The following NBAS variants were observed in gnomAD, a reference collection of about 807,000 sequenced individuals.
NBAS encodes NBAS subunit of NRZ tethering complex.
NBAS carries 219 observed loss-of-function variants against 302.5 expected under a neutral mutation model. The observed-to-expected ratio is 0.72, with a 90% CI of 0.65 to 0.81. The LOEUF (loss-of-function observed/expected upper bound fraction) is 0.81, where lower values mean the gene tolerates loss of function less well. Among genes scored for constraint, NBAS ranks in the 30% least tolerant of loss-of-function variants. NBAS has a pLI of 0.00. For missense variants in NBAS, 2,932 were observed against 2,841.6 expected (o/e 1.03, Z -0.72); for synonymous variants, 1,118 against 1,021.6 (o/e 1.09, Z -1.80).
chr2:15,453,486 G>T (rs191286249), intron 21 of NBAS, among the ~76,000 whole-genome samples: 1 of 152,254 alleles, frequency 6.6e-6, no homozygotes, highest in East Asian at 1.9e-4. Flanking sequence ...TAAACCACTG[G>T]TGACCTAAAA....
intron 21 of NBAS, among the ~76,000 whole-genome samples, chr2:15,433,913 A>G (rs1388133424): frequency 6.6e-6 from 1 of 151,852 alleles, no homozygotes; most frequent in Non-Finnish European, 1.5e-5. Context: ...AGCCCCGGCA[A>G]CAGAGCAAGA....
chr2:15,389,388 G>T (rs1446162962), intron 28 of NBAS, among the ~76,000 whole-genome samples: 4 of 152,180 alleles, frequency 2.6e-5, no homozygotes, highest in Non-Finnish European at 4.4e-5. Context: ...ATTGACAGAA[G>T]AATAATGCAC....
intron 31 of NBAS, among the ~76,000 whole-genome samples, chr2:15,371,166 A>G (rs1477770771): frequency 6.6e-6 from 1 of 152,120 alleles, no homozygotes; most frequent in African/African-American, 2.4e-5. Flanking sequence ...CTCGTTCTCA[A>G]ATATACTCTT....
At chr2:15,164,082 C>A (rs1329772818), downstream of NBAS, among the ~76,000 whole-genome samples, 1 of 152,204 alleles carries the variant, frequency 6.6e-6, no homozygotes, top group Non-Finnish European at 1.5e-5. Flanking sequence ...CAGGTGTGAG[C>A]CTCTATGCCC....
the NBAS span, among the ~76,000 whole-genome samples, chr2:14,927,535 T>C: frequency 1.3e-5 from 2 of 152,212 alleles, no homozygotes; most frequent in Non-Finnish European, 2.9e-5. Context: ...TATATAGATA[T>C]CTGTTTGAGT....
downstream of NBAS, among the ~76,000 whole-genome samples, chr2:15,162,192 C>G (rs1004960537): frequency 5.3e-5 from 8 of 152,236 alleles, no homozygotes; most frequent in African/African-American, 1.9e-4. Flanking sequence ...AACAGCCCTG[C>G]CTCCGCAACA....
the NBAS span, among the ~76,000 whole-genome samples, chr2:15,084,174 G>A: frequency 3.9e-5 from 6 of 151,958 alleles, no homozygotes; most frequent in Admixed American, 3.3e-4. Flanking sequence ...TCAGCCTCCA[G>A]AGTAGCTGGA....
chr2:15,360,091 T>C (rs989438286), intron 32 of NBAS, among the ~76,000 whole-genome samples: 2 of 151,970 alleles, frequency 1.3e-5, no homozygotes, highest in Admixed American at 6.6e-5. Context: ...AGTAAAAATA[T>C]TGTACAAAAG....
chr2:15,297,855 C>CTTGT (rs1670620765), intron 40 of NBAS, among the ~76,000 whole-genome samples: 1 of 151,896 alleles, frequency 6.6e-6, no homozygotes, highest in African/African-American at 2.4e-5. Flanking sequence ...TATATATGTG[C>CTTGT]TTGTGTCTGT....
intron 9 of NBAS, among the ~76,000 whole-genome samples, chr2:15,514,471 C>G (rs1019943719): frequency 1.8e-4 from 28 of 152,084 alleles, no homozygotes; most frequent in African/African-American, 6.0e-4. Context: ...TAGTAACCTA[C>G]TATTTAAAAC....
the NBAS span, among the ~76,000 whole-genome samples, chr2:14,984,259 A>T: frequency 2.6e-5 from 4 of 151,692 alleles, no homozygotes. Flanking sequence ...TCTGCCCCCT[A>T]CCCTTCCTAG....
At chr2:14,887,718 A>G in the NBAS span, among the ~76,000 whole-genome samples, 2 of 152,114 alleles carry the variant, frequency 1.3e-5, no homozygotes, top group Non-Finnish European at 2.9e-5. Context: ...TGTCTAGGCT[A>G]CTGCACAGCC....
chr2:15,337,584 A>C (rs2148256035), intron 35 of NBAS, among the ~76,000 whole-genome samples: 1 of 152,326 alleles, frequency 6.6e-6, no homozygotes, highest in Non-Finnish European at 1.5e-5. Flanking sequence ...AAGATAGGAG[A>C]CTTAAAATGT....
At chr2:15,394,143 CA>C (rs1463505179) in intron 28 of NBAS, 83 bp downstream of exon 28, 1 of 1,411,198 alleles carries the variant, frequency 7.1e-7, no homozygotes, top group Non-Finnish European at 9.6e-7. Context: ...AGTTATAACA[CA>C]ATGAGGTTGT....
At chr2:15,258,640 C>T (rs1418945212) in intron 44 of NBAS, among the ~76,000 whole-genome samples, 6 of 152,086 alleles carry the variant, frequency 3.9e-5, no homozygotes, top group Admixed American at 3.9e-4. Flanking sequence ...TGGGGAACCT[C>T]GCCCTGGTAA....
the NBAS span, among the ~76,000 whole-genome samples, chr2:14,990,604 A>G: frequency 6.6e-6 from 1 of 152,138 alleles, no homozygotes; most frequent in East Asian, 1.9e-4. Context: ...ACATCTCTCC[A>G]ATGCAGATAA....
the NBAS span, among the ~76,000 whole-genome samples, chr2:14,818,558 AT>A: frequency 6.6e-6 from 1 of 152,150 alleles, no homozygotes; most frequent in Non-Finnish European, 1.5e-5. Flanking sequence ...TCTTTTCAGC[AT>A]GTCTCTCTCA....
intron 31 of NBAS, among the ~76,000 whole-genome samples, chr2:15,372,530 A>G (rs563172071): frequency 2.6e-5 from 4 of 152,314 alleles, no homozygotes; most frequent in Admixed American, 2.6e-4. Context: ...TCTTTCTCCA[A>G]TATTACTGAT....
At chr2:15,230,555 T>C (rs1558457619) in intron 47 of NBAS, among the ~76,000 whole-genome samples, 3 of 152,172 alleles carry the variant, frequency 2.0e-5, no homozygotes, top group Non-Finnish European at 4.4e-5. Flanking sequence ...AAGTCTCAAA[T>C]TGGATTCTTC....
Sources: allele counts gnomAD v4.1 joint callset (sites outside exome capture counted in the v4.1 genomes callset), GRCh38; gene constraint gnomAD v4.1.1; transcripts MANE v1.5; gene names NCBI Gene and HGNC (gene_info 2026-07-23, HGNC 2026-07-21).